Variants in GABRB1 observed in about 807,000 individuals in gnomAD.
The protein encoded by GABRB1 is gamma-aminobutyric acid type A receptor subunit beta1.
In GABRB1, 17 loss-of-function variants were observed where a neutral mutation model predicts 51.6. The observed-to-expected ratio is 0.33, with a 90% CI of 0.23 to 0.49. GABRB1 has a LOEUF of 0.49. Among genes scored for constraint, GABRB1 ranks in the 20% least tolerant of loss-of-function variants. The pLI is 0.99. For missense variants in GABRB1, 410 were observed against 600.6 expected, an observed-to-expected ratio of 0.68 and a Z score of 3.32; for synonymous variants, 247 against 218.9, an observed-to-expected ratio of 1.13 and a Z score of -1.14.
At chr4:47,343,303 T>C (rs1435600428) in intron 5 of GABRB1, among the ~76,000 whole-genome samples, 1 of 152,096 alleles carries the variant, frequency 6.6e-6, no homozygotes, top group Admixed American at 6.5e-5. Context: ...CACACCACTT[T>C]GGTTGGGGGA....
At chr4:47,080,394 A>G (rs1326409084) in intron 3 of GABRB1, among the ~76,000 whole-genome samples, 1 of 152,132 alleles carries the variant, frequency 6.6e-6, no homozygotes, top group Admixed American at 6.5e-5. Flanking sequence ...TTGTGCATGA[A>G]ATGGAATTAA....
At chr4:47,230,726 A>G (rs1272440152) in intron 4 of GABRB1, among the ~76,000 whole-genome samples, 1 of 152,174 alleles carries the variant, frequency 6.6e-6, no homozygotes, top group Non-Finnish European at 1.5e-5. Flanking sequence ...GTGTCTAAAA[A>G]CAGTGGCTCA....
At chr4:47,051,825 G>A (rs183048464) in intron 3 of GABRB1, among the ~76,000 whole-genome samples, 8 of 152,232 alleles carry the variant, frequency 5.3e-5, no homozygotes, top group African/African-American at 1.7e-4. Flanking sequence ...CCGACTAGTA[G>A]TTACATATAA....
intron 4 of GABRB1, among the ~76,000 whole-genome samples, chr4:47,276,336 C>T (rs960753201): frequency 1.3e-5 from 2 of 151,936 alleles, no homozygotes; most frequent in Non-Finnish European, 2.9e-5. Context: ...TATTGAGCTG[C>T]AAAGAATTTT....
intron 4 of GABRB1, among the ~76,000 whole-genome samples, chr4:47,183,537 G>T (rs1365555427): frequency 6.6e-6 from 1 of 151,640 alleles, no homozygotes; most frequent in East Asian, 1.9e-4. Context: ...TCCTTTAAAA[G>T]CATGACCTAT....
chr4:47,243,822 T>A (rs1207252698), intron 4 of GABRB1, among the ~76,000 whole-genome samples: 1 of 152,230 alleles, frequency 6.6e-6, no homozygotes, highest in Non-Finnish European at 1.5e-5. Context: ...AATCATGTCA[T>A]CTGCAAACAG....
intron 3 of GABRB1, among the ~76,000 whole-genome samples, chr4:47,067,694 C>T (rs771542602): frequency 2.6e-5 from 4 of 151,678 alleles, no homozygotes; most frequent in Non-Finnish European, 2.9e-5. Context: ...GAGTGGAACA[C>T]GAGTACGTTT....
chr4:47,257,486 A>C (rs534796894), intron 4 of GABRB1, among the ~76,000 whole-genome samples: 1 of 150,932 alleles, frequency 6.6e-6, no homozygotes, highest in Non-Finnish European at 1.5e-5. Flanking sequence ...TAGGGGAGGC[A>C]GGATCTTGAA....
chr4:47,332,747 T>C (rs1200040422), intron 5 of GABRB1, among the ~76,000 whole-genome samples: 4 of 152,142 alleles, frequency 2.6e-5, no homozygotes, highest in Non-Finnish European at 5.9e-5. Flanking sequence ...TCTTCTCTTT[T>C]ACTTTAACCT....
chr4:47,060,865 T>C (rs6447527), intron 3 of GABRB1, among the ~76,000 whole-genome samples: 76,719 of 152,068 alleles, frequency 0.5, 19,517 homozygotes, highest in East Asian at 0.53. Context: ...ACATTATTCA[T>C]AATTGGTTGG....
At chr4:47,416,474 A>G (rs1447353998) in intron 8 of GABRB1, among the ~76,000 whole-genome samples, 2 of 150,772 alleles carry the variant, frequency 1.3e-5, no homozygotes. Flanking sequence ...TTTTTGAGAC[A>G]GAGTCTCCCT....
intron 1 of GABRB1, among the ~76,000 whole-genome samples, chr4:47,001,377 C>A (rs763009840): frequency 1.3e-5 from 2 of 152,212 alleles, no homozygotes; most frequent in Admixed American, 6.5e-5. Flanking sequence ...CTCCTGACCT[C>A]GTGATTCTCC....
intron 4 of GABRB1, among the ~76,000 whole-genome samples, chr4:47,314,779 T>C (rs1379533863): frequency 2.0e-5 from 3 of 151,964 alleles, no homozygotes; most frequent in African/African-American, 4.8e-5. Flanking sequence ...TCTTACACCA[T>C]AGTTCCTATT....
intron 4 of GABRB1, among the ~76,000 whole-genome samples, chr4:47,279,778 C>G (rs987595540): frequency 1.3e-5 from 2 of 151,156 alleles, no homozygotes; most frequent in Non-Finnish European, 2.9e-5. Flanking sequence ...TTTTCTATCC[C>G]TTAATTTTCA....
chr4:47,350,218 T>TAGAGAGAG lies in GABRB1; in HGVS notation c.544+30028_544+30035dup, dbSNP rs59905765. ...ATATATATATATATATATATATATA[T>TAGAGAGAG]AGAGAGAGAGAGAGAGAGAGAGAGA... is the stretch of plus-strand genomic sequence containing the variant. On this transcript the variant is annotated intron_variant, in intron 5 of 8. Coordinates refer to ENST00000295454, the MANE Select transcript of GABRB1 (RefSeq NM_000812.4). Among the ~76,000 whole-genome samples the TAGAGAGAG allele has an allele frequency of 6.8e-3, 385 of 56,612 alleles. 8 individuals are homozygous for TAGAGAGAG. Among genetic ancestry groups the TAGAGAGAG allele is most frequent in the East Asian group, 0.024 (27 of 1,118 alleles). The allele number at this position is 56,612 out of a possible 152,430, so 37.1% of individuals were successfully genotyped here. A position where few individuals can be genotyped will look rare whatever the true frequency, so the allele number is the denominator to read the frequency against.
chr4:47,337,639 G>A (rs1016536581), intron 5 of GABRB1, among the ~76,000 whole-genome samples: 2 of 151,506 alleles, frequency 1.3e-5, no homozygotes, highest in East Asian at 1.9e-4. Flanking sequence ...TAGAAACCCC[G>A]CCTCTACTAA....
chr4:47,006,732 C>G (rs1724411142), intron 1 of GABRB1, among the ~76,000 whole-genome samples: 1 of 152,124 alleles, frequency 6.6e-6, no homozygotes, highest in African/African-American at 2.4e-5. Context: ...CTAACAGGAA[C>G]AAGTGAGATT....
intron 1 of GABRB1, among the ~76,000 whole-genome samples, chr4:47,000,959 T>C (rs1450014183): frequency 6.6e-6 from 1 of 152,148 alleles, no homozygotes; most frequent in Non-Finnish European, 1.5e-5. Context: ...ATATGATTCA[T>C]TTGATGGCCA....
At chr4:47,369,061 TC>T (rs1727091556) in intron 5 of GABRB1, among the ~76,000 whole-genome samples, 1 of 152,236 alleles carries the variant, frequency 6.6e-6, no homozygotes. Flanking sequence ...TGAGCCGAGA[TC>T]ACATCACTGC....
Sources: gnomAD v4.1 joint callset for allele counts (sites outside exome capture counted in the v4.1 genomes callset) on GRCh38, gnomAD v4.1.1 for gene constraint, MANE v1.5 for transcripts, NCBI Gene and HGNC (gene_info 2026-07-23, HGNC 2026-07-21) for gene names.